The following NT5DC1 variants were observed in gnomAD, a reference collection of about 807,000 sequenced individuals.
NT5DC1 encodes 5'-nucleotidase domain containing 1, also known as 5'-nucleotidase domain-containing protein 1.
Under a neutral mutation model 59.4 loss-of-function variants are expected in NT5DC1, and 42 were observed. The ratio of observed to expected loss-of-function variants is 0.71; its 90% CI spans 0.55 to 0.92. The LOEUF (loss-of-function observed/expected upper bound fraction) is 0.92. Ranked by LOEUF, NT5DC1 falls within the 40% of genes least tolerant of loss-of-function variation. The pLI, the probability that NT5DC1 is intolerant of heterozygous loss-of-function variation, is 0.00. For synonymous variants in NT5DC1, 172 were observed against 188.1 expected (o/e 0.91, Z 0.70); for missense variants, 501 against 537.1 (o/e 0.93, Z 0.66).
At position 116,243,968 on chromosome 6, in the gene NT5DC1, T is replaced by C. The variant is rs577203052; in HGVS notation, c.1312T>C (p.Tyr438His). 1.3e-6 allele frequency: 2 copies of C among 1,583,532 alleles called. No homozygotes were observed. The highest frequency in any genetic ancestry group is 2.2e-5 in the East Asian group (1 of 44,510). Residue 438 changes from tyrosine to histidine, a missense_variant, in exon 12 of 12, where the codon TAC becomes CAC. Transcript: ENST00000319550. Reference protein sequence around the residue: ...FSSSNSKTAGYYPNPPLVLSS... With the variant: ...FSSSNSKTAGHYPNPPLVLSS... ...TTCAAGCAATTCAAAAACAGCTGGC[T>C]ACTATCCAAATCCTCCACTGGTCTT...
chr6:116,237,124 C>A, intron 9 of NT5DC1, 40 bp downstream of exon 9: 1 of 1,098,712 alleles, frequency 9.1e-7, no homozygotes, highest in Non-Finnish European at 1.4e-6. Context: ...TGCCCACTTG[C>A]AGACATAAGC....
chr6:116,140,332 G>A (rs2114362278), intron 6 of NT5DC1, among the ~76,000 whole-genome samples: 1 of 152,220 alleles, frequency 6.6e-6, no homozygotes, highest in East Asian at 1.9e-4. Flanking sequence ...CAGAGTGGGA[G>A]CACCACCTTT....
At chr6:116,101,062 T>A in intron 1 of NT5DC1, 39 bp downstream of exon 1, 1 of 1,439,424 alleles carries the variant, frequency 6.9e-7, no homozygotes, top group Non-Finnish European at 9.6e-7. Flanking sequence ...GCGCGCAACC[T>A]CCATGGCGGC....
intron 6 of NT5DC1, among the ~76,000 whole-genome samples, chr6:116,217,612 A>G (rs1371249617): frequency 1.3e-5 from 2 of 152,152 alleles, no homozygotes; most frequent in Non-Finnish European, 2.9e-5. Flanking sequence ...CCTTAATCAT[A>G]CATGAATAAT....
chr6:116,202,127 A>G (rs1185672392), intron 6 of NT5DC1, among the ~76,000 whole-genome samples: 1 of 151,962 alleles, frequency 6.6e-6, no homozygotes, highest in East Asian at 1.9e-4. Flanking sequence ...ATTTAACTTG[A>G]AGTAGCCACG....
chr6:116,153,615 C>A (rs1780107956), intron 6 of NT5DC1, among the ~76,000 whole-genome samples: 1 of 152,056 alleles, frequency 6.6e-6, no homozygotes, highest in Admixed American at 6.6e-5. Flanking sequence ...CTATTAGGTA[C>A]CTAGTTAGGC....
intron 6 of NT5DC1, among the ~76,000 whole-genome samples, chr6:116,219,598 G>C (rs1176551521): frequency 6.6e-6 from 1 of 152,146 alleles, no homozygotes; most frequent in Non-Finnish European, 1.5e-5. Context: ...TGGATGTGGG[G>C]AGGCAGACCA....
At chr6:116,179,156 G>A (rs1021389200) in intron 6 of NT5DC1, among the ~76,000 whole-genome samples, 2 of 152,014 alleles carry the variant, frequency 1.3e-5, no homozygotes, top group Non-Finnish European at 2.9e-5. Flanking sequence ...CAATTTATTT[G>A]TTTCTCTTTA....
chr6:116,246,586 A>T lies in NT5DC1; in HGVS notation c.*2562A>T, dbSNP rs1771853513. ...ATGGAAAATCAAACTGCCTCTCTAGATATAATAACCTTCACTGACTGTTGG... is the reference window on the plus strand; with the variant it reads ...ATGGAAAATCAAACTGCCTCTCTAGTTATAATAACCTTCACTGACTGTTGG... On this transcript the variant is annotated 3_prime_UTR_variant, in exon 12 of 12. Coordinates refer to ENST00000319550, the MANE Select transcript of NT5DC1 (RefSeq NM_152729.3). 1 of 152,130 alleles carries T rather than the reference A, an allele frequency of 6.6e-6. No homozygotes were observed. Among genetic ancestry groups the T allele is most frequent in the Admixed American group, 6.6e-5 (1 of 15,256 alleles). 9.4% of individuals were successfully genotyped at this position (152,130 alleles called of 1,614,324 possible).
rs567837245 is a variant in NT5DC1 at position 116,108,808 on chromosome 6, G to C, written c.257+373G>C. Among the ~76,000 whole-genome samples, 10 of 152,300 alleles carry C rather than the reference G, an allele frequency of 6.6e-5. No individual in the cohort carries two copies. The East Asian group carries it at 1.9e-3, about 29-fold the overall frequency. ...GGGATTCTTTTTGTTAAGAAAGAAA[G>C]AATGGGTATTGGGTAGGGGTTGGTG... On this transcript the variant is annotated intron_variant, in intron 3 of 11. Coordinates refer to ENST00000319550, the MANE Select transcript of NT5DC1 (RefSeq NM_152729.3).
intron 6 of NT5DC1, among the ~76,000 whole-genome samples, chr6:116,180,177 A>C (rs1259483256): frequency 2.0e-5 from 3 of 152,074 alleles, no homozygotes; most frequent in African/African-American, 7.2e-5. Context: ...ATAGTATATA[A>C]GTAAAAGATT....
chr6:116,239,160 C>G lies in NT5DC1; in HGVS notation c.1252+37C>G, dbSNP rs760390663. ...AATACCTATAAAGCTTCACCTGTTA[C>G]TAGACAATAATGACCAGTACTAGAA... On this transcript the variant is annotated intron_variant, in intron 11 of 11. Transcript: ENST00000319550. 8.3e-6 allele frequency: 12 copies of G among 1,444,154 alleles called. No individual in the cohort carries two copies. The South Asian group carries it at 1.4e-4, about 17-fold the overall frequency. 89.5% of individuals were successfully genotyped at this position (1,444,154 alleles called of 1,614,324 possible).
In NT5DC1 at chr6:116,108,354, C is replaced by G; in HGVS notation, c.186-10C>G. 1 of 1,570,546 alleles carries G rather than the reference C, an allele frequency of 6.4e-7. No homozygotes were observed. The highest frequency in any genetic ancestry group is 8.8e-7 in the Non-Finnish European group (1 of 1,140,648). On this transcript the variant is annotated splice_polypyrimidine_tract_variant and intron_variant, in intron 2 of 11. Coordinates refer to ENST00000319550, the MANE Select transcript of NT5DC1 (RefSeq NM_152729.3). ...AGGAATTGATTAATAATCAAACTTT[C>G]CTATTTCAGTTGCAAAGGTTTGGCA...
In NT5DC1 at chr6:116,226,618, C is replaced by T. The variant is rs1382295599; in HGVS notation, c.802+3487C>T. Among the ~76,000 whole-genome samples the T allele has an allele frequency of 2.0e-5, 3 of 151,804 alleles. No homozygotes were observed. The East Asian group carries it at 5.8e-4, about 29-fold the overall frequency. ...TAGTACAATTGGATTTGAGGGCTGA[C>T]ATAATAATGATGTTTATCCAAACTA... On this transcript the variant is annotated intron_variant, in intron 8 of 11. Coordinates refer to ENST00000319550, the MANE Select transcript of NT5DC1 (RefSeq NM_152729.3).
At chr6:116,178,825 C>G (rs1228002481) in intron 6 of NT5DC1, among the ~76,000 whole-genome samples, 4 of 152,202 alleles carry the variant, frequency 2.6e-5, no homozygotes, top group African/African-American at 7.2e-5. Flanking sequence ...AAGCCCCCAA[C>G]TCCCAGTAAA....
rs1374733420 is a variant in NT5DC1, at chr6:116,247,052, T to TA, written c.*3029dup. The TA allele has an allele frequency of 6.6e-6, 1 of 152,172 alleles. No individual in the cohort carries two copies. The highest frequency in any genetic ancestry group is 2.4e-5 in the African/African-American group (1 of 41,448). 9.4% of individuals were successfully genotyped at this position (152,172 alleles called of 1,614,324 possible). A position where few individuals can be genotyped will look rare whatever the true frequency, so the allele number is the denominator to read the frequency against. ...ATTAAATACAATGCTTGCTCTGTGT[T>TA]ACACTGTTAGTAAGAGAGCAATACA... On this transcript the variant is annotated 3_prime_UTR_variant, in exon 12 of 12. Coordinates refer to ENST00000319550, the MANE Select transcript of NT5DC1 (RefSeq NM_152729.3).
chr6:116,157,179 C>T (rs570945144), intron 6 of NT5DC1, among the ~76,000 whole-genome samples: 56 of 152,216 alleles, frequency 3.7e-4, no homozygotes, highest in African/African-American at 1.2e-3. Flanking sequence ...GATATTTGCC[C>T]CTTTTCCCTC....
intron 11 of NT5DC1, among the ~76,000 whole-genome samples, chr6:116,241,922 C>CAAAAAAAA (rs772261524): frequency 1.9e-4 from 2 of 10,514 alleles, no homozygotes; most frequent in Non-Finnish European, 3.0e-4. Context: ...GACTCCGTCT[C>CAAAAAAAA]AAAAAAAAAA....
In NT5DC1 at chr6:116,135,419, C is replaced by T. The variant is rs56091733; in HGVS notation, c.529+17474C>T. 2.3e-3 allele frequency among the ~76,000 whole-genome samples: 346 copies of T among 151,968 alleles called. 2 individuals carry two copies. The highest frequency in any genetic ancestry group is 8.2e-3 in the African/African-American group (339 of 41,476). On this transcript the variant is annotated intron_variant, in intron 6 of 11. Transcript: ENST00000319550. ...CTGTAGCATCCATAACCGCCCCCCC[C>T]ACCTTTTTATTTAACAACTCCATGT...
Sources: gnomAD v4.1 joint callset for allele counts (sites outside exome capture counted in the v4.1 genomes callset) on GRCh38, gnomAD v4.1.1 for gene constraint, MANE v1.5 for transcripts, NCBI Gene and HGNC (gene_info 2026-07-23, HGNC 2026-07-21) for gene names.